TLE4: variants seen among roughly 807,000 people sequenced by gnomAD.
The protein encoded by TLE4 is TLE family member 4, transcriptional corepressor, also known as transducin-like enhancer protein 4.
A neutral mutation model predicts 92.8 loss-of-function variants in TLE4; 8 were observed. The ratio of observed to expected loss-of-function variants is 0.09; its 90% CI spans 0.05 to 0.16. TLE4 has a LOEUF of 0.16. Ranked by LOEUF, TLE4 falls within the 10% of genes least tolerant of loss-of-function variation. The pLI, the probability that TLE4 is intolerant of heterozygous loss-of-function variation, is 1.00. For missense variants in TLE4, 675 were observed against 997.6 expected (o/e 0.68, Z 4.36); for synonymous variants, 371 against 374.1 (o/e 0.99, Z 0.10).
At chr9:79,708,922 C>T in intron 13 of TLE4, 136 bp downstream of exon 13, 1 of 1,087,142 alleles carries the variant, frequency 9.2e-7, no homozygotes. Flanking sequence ...GCCTCTGCCT[C>T]CTGGGCTTAA....
intron 4 of TLE4, among the ~76,000 whole-genome samples, chr9:79,606,200 T>TTG: frequency 9.2e-6 from 1 of 108,834 alleles, no homozygotes; most frequent in South Asian, 3.4e-4. Flanking sequence ...TTTTTTTTTT[T>TTG]TTTTTTTTTT....
chr9:79,624,312 G>T (rs1564458711), intron 5 of TLE4, among the ~76,000 whole-genome samples: 1 of 152,020 alleles, frequency 6.6e-6, no homozygotes, highest in Non-Finnish European at 1.5e-5. Flanking sequence ...CACCTTCCCT[G>T]GTGGGTGCTT....
At chr9:79,644,066 G>A (rs1249474752) in intron 6 of TLE4, among the ~76,000 whole-genome samples, 1 of 152,042 alleles carries the variant, frequency 6.6e-6, no homozygotes, top group Non-Finnish European at 1.5e-5. Flanking sequence ...ATCTCATCTT[G>A]AATTATAGTT....
chr9:79,689,597 C>G (rs968287678), intron 8 of TLE4, among the ~76,000 whole-genome samples: 1 of 152,154 alleles, frequency 6.6e-6, no homozygotes, highest in Non-Finnish European at 1.5e-5. Context: ...AGCATCTTGC[C>G]TCATCTTATG....
chr9:79,661,382 G>C (rs2060512617), intron 8 of TLE4, among the ~76,000 whole-genome samples: 1 of 152,208 alleles, frequency 6.6e-6, no homozygotes, highest in African/African-American at 2.4e-5. Flanking sequence ...GTGATTTGAA[G>C]TAGCTCAGCT....
At chr9:79,674,798 G>A (rs563473820) in intron 8 of TLE4, among the ~76,000 whole-genome samples, 34 of 152,226 alleles carry the variant, frequency 2.2e-4, no homozygotes, top group Admixed American at 1.4e-3. Flanking sequence ...AGTCCCGTGC[G>A]TGTTTTTGTG....
chr9:79,589,496 T>C (rs1004126049), intron 4 of TLE4, among the ~76,000 whole-genome samples: 1 of 151,944 alleles, frequency 6.6e-6, no homozygotes, highest in Non-Finnish European at 1.5e-5. Context: ...GAAATCAGCT[T>C]GATTTCCACT....
At chr9:79,724,910 A>G (rs1200298716) in intron 19 of TLE4, 127 bp from the exon 20 acceptor site, 1 of 481,198 alleles carries the variant, frequency 2.1e-6, no homozygotes, top group African/African-American at 2.1e-5. Context: ...ACCACCTTTC[A>G]CCTTTCCTTG....
chr9:79,668,056 A>G (rs2061684900), intron 8 of TLE4, among the ~76,000 whole-genome samples: 1 of 152,264 alleles, frequency 6.6e-6, no homozygotes, highest in Admixed American at 6.5e-5. Flanking sequence ...GAATTATTCT[A>G]CATGTTTGCC....
chr9:79,700,300 T>G (rs2069445543), intron 8 of TLE4, among the ~76,000 whole-genome samples: 1 of 152,228 alleles, frequency 6.6e-6, no homozygotes, highest in South Asian at 2.1e-4. Flanking sequence ...GCTATTAAAA[T>G]CTGTGCTCCC....
At chr9:79,577,442 GCAT>G (rs2038196689) in intron 4 of TLE4, among the ~76,000 whole-genome samples, 2 of 152,124 alleles carry the variant, frequency 1.3e-5, no homozygotes, top group Non-Finnish European at 2.9e-5. Context: ...GTCAATATTA[GCAT>G]TATAGTATAG....
intron 8 of TLE4, among the ~76,000 whole-genome samples, chr9:79,703,321 A>ATG (rs2070499436): frequency 1.3e-5 from 2 of 152,088 alleles, no homozygotes; most frequent in African/African-American, 2.4e-5. Flanking sequence ...GGACTGTGTT[A>ATG]CTCAGGTTTT....
intron 5 of TLE4, among the ~76,000 whole-genome samples, chr9:79,625,840 A>G (rs1233915485): frequency 6.6e-6 from 1 of 151,114 alleles, no homozygotes; most frequent in Non-Finnish European, 1.5e-5. Context: ...ATAAGGAATA[A>G]AAGAATGGAA....
intron 8 of TLE4, among the ~76,000 whole-genome samples, chr9:79,674,257 G>A (rs184281884): frequency 2.4e-4 from 36 of 152,252 alleles, no homozygotes; most frequent in African/African-American, 7.2e-4. Context: ...TATACTCTGT[G>A]CTGTCATCAG....
At chr9:79,649,243 T>C (rs1379243914) in intron 6 of TLE4, among the ~76,000 whole-genome samples, 2 of 147,098 alleles carry the variant, frequency 1.4e-5, no homozygotes, top group Non-Finnish European at 3.0e-5. Flanking sequence ...AGTTTGGGTG[T>C]GCGAAGACAG....
chr9:79,644,563 G>C (rs185187277), intron 6 of TLE4, among the ~76,000 whole-genome samples: 1 of 152,280 alleles, frequency 6.6e-6, no homozygotes. Flanking sequence ...TGACTCTGAG[G>C]CCACTTCATT....
intron 5 of TLE4, among the ~76,000 whole-genome samples, chr9:79,622,071 A>G (rs2133360472): frequency 6.6e-6 from 1 of 152,300 alleles, no homozygotes. Flanking sequence ...CTCATTTCCT[A>G]CCAGGATAAA....
chr9:79,627,536 G>A (rs558880171), intron 6 of TLE4, 88 bp downstream of exon 6: 2 of 1,346,834 alleles, frequency 1.5e-6, no homozygotes, highest in East Asian at 2.3e-5. Flanking sequence ...CCGCCAAAGG[G>A]GCAAAAAGCA....
At chr9:79,627,531 A>C (rs1360038066) in intron 6 of TLE4, 83 bp downstream of exon 6, 2 of 1,370,296 alleles carry the variant, frequency 1.5e-6, no homozygotes, top group South Asian at 2.4e-5. Flanking sequence ...TTGTTCCGCC[A>C]AAGGGGCAAA....
Sources: allele counts gnomAD v4.1 joint callset (sites outside exome capture counted in the v4.1 genomes callset), GRCh38; gene constraint gnomAD v4.1.1; transcripts MANE v1.5; gene names NCBI Gene and HGNC (gene_info 2026-07-23, HGNC 2026-07-21).